EFR3B: variants seen among roughly 807,000 people sequenced by gnomAD.
The protein encoded by EFR3B is protein EFR3 homolog B.
Under a neutral mutation model 104.7 loss-of-function variants are expected in EFR3B, and 64 were observed. The ratio of observed to expected loss-of-function variants is 0.61; its 90% CI spans 0.50 to 0.75. The LOEUF (loss-of-function observed/expected upper bound fraction) is 0.75. EFR3B is among the 30% of genes least tolerant of loss of function. EFR3B has a pLI of 0.00. For missense variants in EFR3B, 750 were observed against 1,078.5 expected (o/e 0.70, Z 4.27); for synonymous variants, 385 against 417.9 (o/e 0.92, Z 0.96).
intron 4 of EFR3B, among the ~76,000 whole-genome samples, chr2:25,104,151 C>T (rs1669501551): frequency 6.6e-6 from 1 of 151,796 alleles, no homozygotes; most frequent in South Asian, 2.1e-4. Context: ...AGTTTGAGAC[C>T]AGCCTGGCCA....
intron 15 of EFR3B, among the ~76,000 whole-genome samples, chr2:25,138,147 G>A (rs1462353775): frequency 1.3e-5 from 2 of 152,108 alleles, no homozygotes; most frequent in Non-Finnish European, 2.9e-5. Context: ...ATGCCAGCCT[G>A]GGCAACAGAG....
At chr2:25,113,003 C>T (rs1669762440) in intron 4 of EFR3B, among the ~76,000 whole-genome samples, 2 of 152,018 alleles carry the variant, frequency 1.3e-5, no homozygotes, top group African/African-American at 4.8e-5. Context: ...TCTATTGACC[C>T]TTAGTAACCC....
At chr2:25,091,745 C>A (rs961777702) in intron 2 of EFR3B, among the ~76,000 whole-genome samples, 1 of 152,192 alleles carries the variant, frequency 6.6e-6, no homozygotes, top group Admixed American at 6.5e-5. Context: ...GTGATCGTAG[C>A]TCCCTGCCGG....
At chr2:25,066,205 C>T (rs1398161176) in intron 1 of EFR3B, among the ~76,000 whole-genome samples, 1 of 152,174 alleles carries the variant, frequency 6.6e-6, no homozygotes, top group Non-Finnish European at 1.5e-5. Context: ...CCTTGTCTTG[C>T]TCTTCTTCCA....
chr2:25,130,226 G>A lies in EFR3B; in HGVS notation c.770+117G>A, dbSNP rs746819996. 25 of 1,436,348 alleles carry A rather than the reference G, an allele frequency of 1.7e-5. No individual in the cohort carries two copies. The highest frequency in any genetic ancestry group is 1.5e-4 in the Admixed American group (7 of 47,242). The allele number at this position is 1,436,348 out of a possible 1,614,324, so 89.0% of individuals were successfully genotyped here. ...ATATTACAGTTGTGGTGCCGCAGCCGAGTCGATCCCTTCCCTGTGCCTGTG... is the reference window on the plus strand; with the variant it reads ...ATATTACAGTTGTGGTGCCGCAGCCAAGTCGATCCCTTCCCTGTGCCTGTG... On this transcript the variant is annotated intron_variant, in intron 7 of 22. Transcript: ENST00000403714. The surrounding 1 kb of genome is among the most constrained non-coding windows in gnomAD (Gnocchi z 4.6).
chr2:25,043,062 G>C (rs1402786624), intron 1 of EFR3B, among the ~76,000 whole-genome samples: 1 of 152,122 alleles, frequency 6.6e-6, no homozygotes, highest in East Asian at 1.9e-4. Flanking sequence ...CAGGCAGTGT[G>C]GGTGAAGAAG....
intron 4 of EFR3B, among the ~76,000 whole-genome samples, chr2:25,118,724 T>TAAAAA (rs1208806738): frequency 4.4e-4 from 4 of 9,036 alleles, no homozygotes; most frequent in Non-Finnish European, 1.2e-3. Context: ...ACCCTGTCTC[T>TAAAAA]ACAAAAAAAA....
chr2:25,084,117 C>T (rs1668883457), intron 1 of EFR3B, among the ~76,000 whole-genome samples: 1 of 152,160 alleles, frequency 6.6e-6, no homozygotes, highest in South Asian at 2.1e-4. Flanking sequence ...AACTTAACCA[C>T]TTAATGCCTC....
chr2:25,111,219 G>A (rs945206491), intron 4 of EFR3B, among the ~76,000 whole-genome samples: 1 of 152,214 alleles, frequency 6.6e-6, no homozygotes, highest in African/African-American at 2.4e-5. Flanking sequence ...GGCCTAGGGT[G>A]TGGCCAGCCA....
At chr2:25,091,278 G>A (rs1171687538) in intron 1 of EFR3B, 47 bp from the exon 2 acceptor site, 3 of 1,534,652 alleles carry the variant, frequency 2.0e-6, no homozygotes, top group Non-Finnish European at 2.6e-6. Flanking sequence ...CCTTTCCTGG[G>A]CCCGACCAGG....
chr2:25,149,584 C>T, intron 19 of EFR3B, 110 bp from the exon 20 acceptor site: 1 of 1,144,604 alleles, frequency 8.7e-7, no homozygotes, highest in East Asian at 2.6e-5. Context: ...TTCCTGCCCA[C>T]TGGGACTTTC....
chr2:25,139,211 G>A (rs561631300), intron 16 of EFR3B, 21 bp downstream of exon 16: 1 of 1,546,590 alleles, frequency 6.5e-7, no homozygotes, highest in South Asian at 1.2e-5. Context: ...TCACGACCAA[G>A]AGCTCAGGGG....
At position 25,144,937 on chromosome 2, in the gene EFR3B, C is replaced by T. The variant is rs578108085; in HGVS notation, c.2051-23C>T. The T allele has an allele frequency of 2.6e-6, 4 of 1,548,616 alleles. No homozygotes were observed. The African/African-American group carries it at 4.1e-5, about 16-fold the overall frequency. On this transcript the variant is annotated intron_variant, in intron 18 of 22. Coordinates refer to ENST00000403714, the MANE Select transcript of EFR3B (RefSeq NM_014971.2). The stretch of plus-strand genomic sequence containing the variant: ...GATCTCTGAGGGCTGGGAACTAAAG[C>T]CTCTGGGCTGCTTCTTCCCCAGATG...
intron 1 of EFR3B, among the ~76,000 whole-genome samples, chr2:25,062,659 G>T (rs1330524436): frequency 6.6e-6 from 1 of 152,208 alleles, no homozygotes; most frequent in African/African-American, 2.4e-5. Context: ...CTTACGTGCC[G>T]AGTAGCAAGC....
chr2:25,141,064 T>C (rs925826217), intron 16 of EFR3B, among the ~76,000 whole-genome samples: 8 of 137,566 alleles, frequency 5.8e-5, no homozygotes, highest in Non-Finnish European at 9.3e-5. Flanking sequence ...AAAAAAAGCA[T>C]AGGAATGAGG....
At chr2:25,089,299 G>T (rs11125912) in intron 1 of EFR3B, among the ~76,000 whole-genome samples, 4,077 of 152,234 alleles carry the variant, frequency 0.027, 106 homozygotes, top group Non-Finnish European at 0.036. Context: ...ACCCAGGATG[G>T]TATTGAGCTC....
At chr2:25,060,436 A>G (rs893531693) in intron 1 of EFR3B, among the ~76,000 whole-genome samples, 10 of 152,146 alleles carry the variant, frequency 6.6e-5, no homozygotes, top group African/African-American at 2.4e-4. Flanking sequence ...TCCAACTCAA[A>G]TTAAGAATAT....
intron 1 of EFR3B, among the ~76,000 whole-genome samples, chr2:25,063,397 C>T (rs1668250719): frequency 1.3e-5 from 2 of 152,122 alleles, no homozygotes; most frequent in South Asian, 2.1e-4. Flanking sequence ...AGGACCTATA[C>T]TCTCTGGCTA....
At chr2:25,133,210 G>A (rs1427625581) in intron 11 of EFR3B, among the ~76,000 whole-genome samples, 173 bp from the exon 12 acceptor site, 1 of 152,180 alleles carries the variant, frequency 6.6e-6, no homozygotes, top group Non-Finnish European at 1.5e-5. Flanking sequence ...ACCTCCCAAC[G>A]TGGGGGGAGC....
Sources: allele counts gnomAD v4.1 joint callset (sites outside exome capture counted in the v4.1 genomes callset), GRCh38; gene constraint gnomAD v4.1.1; non-coding constraint Gnocchi (gnomAD v3.1); transcripts MANE v1.5; gene names NCBI Gene and HGNC (gene_info 2026-07-23, HGNC 2026-07-21).